The following HSPA4L variants were observed in gnomAD, a reference collection of about 807,000 sequenced individuals.
The protein encoded by HSPA4L is heat shock protein family A (Hsp70) member 4 like.
In HSPA4L, 48 loss-of-function variants were observed where a neutral mutation model predicts 100.3. The observed-to-expected ratio is 0.48, with a 90% CI of 0.38 to 0.61. The LOEUF (loss-of-function observed/expected upper bound fraction) is 0.61. Ranked by LOEUF, HSPA4L falls within the 20% of genes least tolerant of loss-of-function variation. The pLI is 0.00. For synonymous variants in HSPA4L, 319 were observed against 328.2 expected (o/e 0.97, Z 0.30); for missense variants, 886 against 988.6 (o/e 0.90, Z 1.39).
At chr4:127,792,662 G>A (rs1047022127) in intron 1 of HSPA4L, among the ~76,000 whole-genome samples, 1 of 152,160 alleles carries the variant, frequency 6.6e-6, no homozygotes, top group Non-Finnish European at 1.5e-5. Flanking sequence ...CCTTCATAGA[G>A]TTCACGTTCT....
At chr4:127,822,989 G>A in intron 15 of HSPA4L, 95 bp downstream of exon 15, 1 of 1,254,998 alleles carries the variant, frequency 8.0e-7, no homozygotes, top group Non-Finnish European at 1.1e-6. Flanking sequence ...ACCAAATGTT[G>A]TTATTGTTGC....
intron 1 of HSPA4L, among the ~76,000 whole-genome samples, chr4:127,787,321 T>G (rs879585553): frequency 2.6e-5 from 4 of 152,192 alleles, no homozygotes; most frequent in African/African-American, 4.8e-5. Context: ...GAAGAGGCTT[T>G]TACCTTTTTT....
chr4:127,830,669 A>C lies in HSPA4L; in HGVS notation c.2198A>C (p.Glu733Ala), dbSNP rs1449161952. 1.2e-6 allele frequency: 2 copies of C among 1,605,858 alleles called. No homozygotes were observed. The highest frequency in any genetic ancestry group is 8.5e-7 in the Non-Finnish European group (1 of 1,177,026). ...DERYDHLDPT[E>A]MEKVEKCISD... Reference sequence around the variant, plus strand: ...AGATATGATCATCTGGATCCTACTGAAATGGAAAAGGTTGAAAAATGTATC... The same window carrying C: ...AGATATGATCATCTGGATCCTACTGCAATGGAAAAGGTTGAAAAATGTATC... Residue 733 changes from glutamate to alanine, a missense_variant, in exon 18 of 19, where the codon GAA (glutamate) becomes GCA (alanine). Transcript: ENST00000296464.
intron 6 of HSPA4L, among the ~76,000 whole-genome samples, chr4:127,803,274 G>A (rs187449266): frequency 8.5e-5 from 13 of 152,134 alleles, no homozygotes; most frequent in African/African-American, 3.1e-4. Context: ...ATATGCTTAG[G>A]ACTGTTTCTT....
chr4:127,820,944 A>G (rs1470090163), intron 14 of HSPA4L, among the ~76,000 whole-genome samples: 1 of 152,100 alleles, frequency 6.6e-6, no homozygotes, highest in Non-Finnish European at 1.5e-5. Context: ...TCTGACATCC[A>G]TTAAATATTT....
In HSPA4L at chr4:127,824,984, C is replaced by A. The variant is rs547729050; in HGVS notation, c.2046+1360C>A. Among the ~76,000 whole-genome samples the A allele has an allele frequency of 2.5e-3, 381 of 151,912 alleles. 2 individuals carry two copies. The highest frequency in any genetic ancestry group is 8.6e-3 in the African/African-American group (356 of 41,458). On this transcript the variant is annotated intron_variant, in intron 16 of 18. Coordinates refer to ENST00000296464, the MANE Select transcript of HSPA4L (RefSeq NM_014278.4). ...ACCCTGTCTCTACTAAAAAAAAATACAAAAAATTAGCTGAGCGTGGTGGCG... is the reference window on the plus strand; with the variant it reads ...ACCCTGTCTCTACTAAAAAAAAATAAAAAAAATTAGCTGAGCGTGGTGGCG...
At chr4:127,792,351 A>G (rs899295695) in intron 1 of HSPA4L, among the ~76,000 whole-genome samples, 1 of 152,184 alleles carries the variant, frequency 6.6e-6, no homozygotes, top group Non-Finnish European at 1.5e-5. Context: ...CTAGTCCTCA[A>G]ATGAGCATTA....
upstream of HSPA4L, chr4:127,781,914 G>A (rs1578681200): frequency 5.2e-6 from 2 of 382,740 alleles, no homozygotes; most frequent in East Asian, 8.4e-5. Flanking sequence ...GCATCCTGCC[G>A]CCGTGACAAG....
intron 14 of HSPA4L, among the ~76,000 whole-genome samples, chr4:127,822,285 G>C (rs1315399256): frequency 2.0e-5 from 3 of 152,064 alleles, no homozygotes; most frequent in African/African-American, 7.3e-5. Flanking sequence ...TTTGTGTCTG[G>C]CTTATTTTAC....
rs1231663206 is a variant in HSPA4L at position 127,801,135 on chromosome 4, T to G, written c.430-3T>G. 6.2e-7 allele frequency: 1 copy of G among 1,602,742 alleles called. No individual in the cohort carries two copies. The highest frequency in any genetic ancestry group is 8.5e-7 in the Non-Finnish European group (1 of 1,174,228). The stretch of plus-strand genomic sequence containing the variant: ...ATACTTAACTGTTGTTTTTAAATAC[T>G]AGATTCCTAGCTTTTTTACTGATGC... On this transcript the variant is annotated splice_polypyrimidine_tract_variant and splice_region_variant and intron_variant, in intron 4 of 18. Transcript: ENST00000296464.
At chr4:127,799,473 T>C (rs1733115321) in intron 4 of HSPA4L, among the ~76,000 whole-genome samples, 1 of 152,182 alleles carries the variant, frequency 6.6e-6, no homozygotes, top group Non-Finnish European at 1.5e-5. Context: ...ACCCTAGTTT[T>C]ACAGATTCAA....
Position 127,808,123 on chromosome 4 carries a change from A to G in HSPA4L, c.1372A>G (p.Arg458Gly). The change falls in exon 11 of 19, where the codon AGA (arginine) becomes GGA (glycine). Residue 458 changes from arginine to glycine, a missense_variant. Arg to Gly is a moderately radical substitution (Grantham distance 125). Coordinates refer to ENST00000296464, the MANE Select transcript of HSPA4L (RefSeq NM_014278.4). Reference sequence around the variant, plus strand: ...ACATGAAGTGCCTTATCCTGATGCAAGAATTGGTAAGATAAAAAAAAGTTC... The same window carrying G: ...ACATGAAGTGCCTTATCCTGATGCAGGAATTGGTAAGATAAAAAAAAGTTC... Reference protein sequence around the residue: ...NLHEVPYPDARIGSFTIQNVF... With the variant: ...NLHEVPYPDAGIGSFTIQNVF... 6.3e-7 allele frequency: 1 copy of G among 1,586,720 alleles called. No homozygotes were observed. Among genetic ancestry groups the G allele is most frequent in the Non-Finnish European group, 8.5e-7 (1 of 1,172,586 alleles).
At chr4:127,808,218 C>G in intron 11 of HSPA4L, 89 bp downstream of exon 11, 1 of 1,102,992 alleles carries the variant, frequency 9.1e-7, no homozygotes, top group Admixed American at 2.5e-5. Context: ...GACATTTCAG[C>G]TAAGCCAGTA....
chr4:127,810,059 A>G (rs1733481554), intron 11 of HSPA4L, among the ~76,000 whole-genome samples: 1 of 152,014 alleles, frequency 6.6e-6, no homozygotes, highest in Non-Finnish European at 1.5e-5. Context: ...CTATAAACAT[A>G]TTCTTCTATA....
At chr4:127,802,497 T>C (rs1733217970) in intron 6 of HSPA4L, among the ~76,000 whole-genome samples, 1 of 152,220 alleles carries the variant, frequency 6.6e-6, no homozygotes, top group South Asian at 2.1e-4. Context: ...TAATAGCATC[T>C]TTGTAATCAA....
intron 12 of HSPA4L, among the ~76,000 whole-genome samples, chr4:127,815,122 A>C (rs1441159344): frequency 6.6e-6 from 1 of 151,614 alleles, no homozygotes; most frequent in African/African-American, 2.4e-5. Context: ...ACCAGTGAAC[A>C]TCAGCAGGAG....
At chr4:127,817,752 A>G (rs1264937597) in intron 12 of HSPA4L, among the ~76,000 whole-genome samples, 1 of 152,090 alleles carries the variant, frequency 6.6e-6, no homozygotes, top group Non-Finnish European at 1.5e-5. Context: ...AAGATATAGT[A>G]TTGTATTTGT....
chr4:127,781,948 C>T (rs2148770716), upstream of HSPA4L: 1 of 420,550 alleles, frequency 2.4e-6, no homozygotes, highest in South Asian at 1.7e-5. Flanking sequence ...GCCAAAACAA[C>T]CCAAAAATGT....
Position 127,782,577 on chromosome 4 carries a change from C to A in HSPA4L, c.27C>A (p.Gly9=), listed in dbSNP as rs112490564. Residue 9 remains glycine, a synonymous_variant, in exon 1 of 19, where the codon GGC becomes GGA. Transcript: ENST00000296464. The stretch of plus-strand genomic sequence containing the variant: ...TGTCTGTGGTTGGCATTGACCTCGG[C>A]TTTCTCAACTGCTACATTGCTGTCG... MSVVGIDL[G]FLNCYIAVAR... is the part of the protein sequence containing the mutation. 18 of 1,614,178 alleles carry A rather than the reference C, an allele frequency of 1.1e-5. No individual in the cohort carries two copies. The highest frequency in any genetic ancestry group is 5.3e-5 in the African/African-American group (4 of 75,070).
Sources: allele counts gnomAD v4.1 joint callset (sites outside exome capture counted in the v4.1 genomes callset), GRCh38; gene constraint gnomAD v4.1.1; transcripts MANE v1.5; gene names NCBI Gene and HGNC (gene_info 2026-07-23, HGNC 2026-07-21).